The following RSRC2 variants were observed in gnomAD, a reference collection of about 807,000 sequenced individuals.
RSRC2 encodes arginine/serine-rich coiled-coil protein 2.
RSRC2 carries 5 observed loss-of-function variants against 61.3 expected under a neutral mutation model. That is an observed-to-expected ratio of 0.08 (90% CI 0.04 to 0.17). The LOEUF (loss-of-function observed/expected upper bound fraction) is 0.17. Ranked by LOEUF, RSRC2 falls within the 10% of genes least tolerant of loss-of-function variation. The pLI is 1.00. For missense variants in RSRC2, 381 were observed against 518.8 expected (o/e 0.73, Z 2.58); for synonymous variants, 202 against 166.5 (o/e 1.21, Z -1.64).
At chr12:122,525,810 T>TAACTGTAACGC in intron 1 of RSRC2, among the ~76,000 whole-genome samples, 1 of 16,482 alleles carries the variant, frequency 6.1e-5, no homozygotes, top group Admixed American at 4.1e-4. Context: ...AGTTTTTTTT[T>TAACTGTAACGC]TTTTTTTTTT....
chr12:122,522,128 T>G lies in RSRC2; in HGVS notation c.163+15A>C. ...ACAAATGCTGAGAGTTGTAACCACC[T>G]TTAAGAATTCATACCTGACTTTCGT... On this transcript the variant is annotated intron_variant, in intron 2 of 9. Coordinates refer to ENST00000331738, the MANE Select transcript of RSRC2 (RefSeq NM_023012.6). The G allele has an allele frequency of 6.2e-7, 1 of 1,605,978 alleles. No individual in the cohort carries two copies. Among genetic ancestry groups the G allele is most frequent in the Non-Finnish European group, 8.5e-7 (1 of 1,176,910 alleles).
At chr12:122,517,565 C>T (rs548173004) in intron 4 of RSRC2, 135 bp from the exon 5 acceptor site, 37 of 1,070,978 alleles carry the variant, frequency 3.5e-5, no homozygotes, top group Non-Finnish European at 4.0e-5. Flanking sequence ...CAGAAATAAG[C>T]GAGATTTTCA....
At chr12:122,520,334 C>T (rs1959179274) in intron 3 of RSRC2, 8 of 363,544 alleles carry the variant, frequency 2.2e-5, no homozygotes, top group Non-Finnish European at 3.1e-5. Context: ...TTTGCTATAA[C>T]GAGGCAGACT....
intron 4 of RSRC2, among the ~76,000 whole-genome samples, chr12:122,518,187 C>T (rs564151354): frequency 6.6e-6 from 1 of 152,192 alleles, no homozygotes; most frequent in South Asian, 2.1e-4. Flanking sequence ...GTGGTCTCAG[C>T]TGCTTGGGAG....
Position 122,504,452 on chromosome 12 carries a change from A to AC in RSRC2, c.*1074dup, listed in dbSNP as rs1217948127. ...GGACCAGCCTGGCCAACATGGTAAA[A>AC]CCCCACCTCTACTAAAAATACAAAA... On this transcript the variant is annotated 3_prime_UTR_variant, in exon 10 of 10. Transcript: ENST00000331738. 6.6e-6 allele frequency: 1 copy of AC among 152,084 alleles called. No homozygotes were observed. The highest frequency in any genetic ancestry group is 1.5e-5 in the Non-Finnish European group (1 of 68,054). 9.4% of individuals were successfully genotyped at this position (152,084 alleles called of 1,614,324 possible).
At chr12:122,518,160 T>C (rs1477250146) in intron 4 of RSRC2, among the ~76,000 whole-genome samples, 52 of 151,772 alleles carry the variant, frequency 3.4e-4, no homozygotes, top group Non-Finnish European at 8.8e-5. Context: ...ATTAGCTGGG[T>C]GTGGTGGCGC....
intron 8 of RSRC2, chr12:122,507,307 G>A: frequency 4.2e-6 from 1 of 240,078 alleles, no homozygotes; most frequent in South Asian, 4.6e-5. Context: ...GCTTGAACCT[G>A]GGAGGCAGAG....
At position 122,518,757 on chromosome 12, in the gene RSRC2, A is replaced by AT. The variant is rs1959107855; in HGVS notation, c.398+81dup. On this transcript the variant is annotated intron_variant, in intron 4 of 9. Transcript: ENST00000331738. Reference sequence around the variant, plus strand: ...GAACAAGAAAAACTCCCTAATTATGATTTTTTTGGGTGTTGCTGGGTCAAT... The same window carrying AT: ...GAACAAGAAAAACTCCCTAATTATGATTTTTTTTGGGTGTTGCTGGGTCAAT... The AT allele has an allele frequency of 1.1e-5, 12 of 1,103,424 alleles. No individual in the cohort carries two copies. The Admixed American group carries it at 1.2e-4, about 11-fold the overall frequency. 68.4% of individuals were successfully genotyped at this position (1,103,424 alleles called of 1,614,324 possible).
chr12:122,522,075 T>A, intron 2 of RSRC2, 68 bp downstream of exon 2: 1 of 1,456,576 alleles, frequency 6.9e-7, no homozygotes, highest in Non-Finnish European at 9.3e-7. Context: ...GTATGTGTCT[T>A]CTTATACAAC....
chr12:122,520,456 T>C (rs1205399663), intron 3 of RSRC2: 19 of 1,021,974 alleles, frequency 1.9e-5, no homozygotes, highest in Non-Finnish European at 2.7e-5. Flanking sequence ...CCTTAACTGA[T>C]TTAAGATATA....
At chr12:122,525,468 A>G (rs933433853) in intron 1 of RSRC2, among the ~76,000 whole-genome samples, 7 of 152,296 alleles carry the variant, frequency 4.6e-5, no homozygotes, top group East Asian at 3.9e-4. Flanking sequence ...GAAGACAGTA[A>G]AAGAAACGGG....
intron 6 of RSRC2, 118 bp downstream of exon 6, chr12:122,514,987 G>A (rs1958802175): frequency 9.0e-7 from 1 of 1,114,398 alleles, no homozygotes; most frequent in Non-Finnish European, 1.3e-6. Context: ...TCACAAATAT[G>A]CCACCATATT....
chr12:122,526,512 T>A (rs1960462806), intron 1 of RSRC2, among the ~76,000 whole-genome samples: 1 of 151,736 alleles, frequency 6.6e-6, no homozygotes, highest in African/African-American at 2.4e-5. Flanking sequence ...CCACCGCAAA[T>A]TCTCAGGCCC....
intron 5 of RSRC2, among the ~76,000 whole-genome samples, chr12:122,516,798 T>C (rs911315462): frequency 3.9e-5 from 6 of 152,168 alleles, no homozygotes; most frequent in South Asian, 2.1e-4. Context: ...GCTCAAGTGA[T>C]TATCCCACCT....
At chr12:122,506,613 C>T (rs752048683) in intron 9 of RSRC2, 5 of 449,368 alleles carry the variant, frequency 1.1e-5, no homozygotes, top group African/African-American at 2.0e-5. Flanking sequence ...AGCAAAACCC[C>T]GTCTCTCTCT....
rs1442727396 is a variant in RSRC2 at position 122,505,205 on chromosome 12, T to A, written c.*322A>T. The stretch of plus-strand genomic sequence containing the variant: ...AACTGTACAAGGTTAAGTACAAAAG[T>A]ACACAAGACAGCGGACACGAAAAAA... On this transcript the variant is annotated 3_prime_UTR_variant, in exon 10 of 10. Transcript: ENST00000331738. The A allele has an allele frequency of 9.1e-6, 2 of 219,028 alleles. No individual in the cohort carries two copies. Among genetic ancestry groups the A allele is most frequent in the African/African-American group, 4.6e-5 (2 of 43,702 alleles). The allele number at this position is 219,028 out of a possible 1,614,324, so 13.6% of individuals were successfully genotyped here. A position where few individuals can be genotyped will look rare whatever the true frequency, so the allele number is the denominator to read the frequency against.
At chr12:122,507,072 ACAAAG>A (rs780068449) in intron 8 of RSRC2, 149 bp from the exon 9 acceptor site, 1 of 667,910 alleles carries the variant, frequency 1.5e-6, no homozygotes, top group African/African-American at 1.8e-5. Flanking sequence ...TTAAGAAACC[ACAAAG>A]CAAAGAAATA....
chr12:122,514,897 A>T, intron 6 of RSRC2: 2 of 698,636 alleles, frequency 2.9e-6, no homozygotes, highest in Non-Finnish European at 4.3e-6. Context: ...ATGAAGGAAA[A>T]AACAGAAATT....
At position 122,522,190 on chromosome 12, in the gene RSRC2, T is replaced by A; in HGVS notation, c.116A>T (p.His39Leu). ...TGACCTTGATCGTGATCTTGAATAA[T>A]GATGTTTTGAAGCTCTAGGAGAAAC... ...VSVSPRASKH[H>L]YSRSRSRSRE... Residue 39 changes from histidine to leucine, a missense_variant, in exon 2 of 10, where the codon CAT (histidine) becomes CTT (leucine). By Grantham distance (99) the His-to-Leu change is moderately conservative. This residue lies in a region of RSRC2 where 266 missense variants were observed against 270.5 expected (regional missense o/e 0.98). Coordinates refer to ENST00000331738, the MANE Select transcript of RSRC2 (RefSeq NM_023012.6). 2 of 1,613,958 alleles carry A rather than the reference T, an allele frequency of 1.2e-6. No homozygotes were observed. The highest frequency in any genetic ancestry group is 2.2e-5 in the East Asian group (1 of 44,876).
Sources: gnomAD v4.1 joint callset for allele counts (sites outside exome capture counted in the v4.1 genomes callset) on GRCh38, gnomAD v4.1.1 for gene constraint, gnomAD v4.1.1 regional missense constraint, MANE v1.5 for transcripts, NCBI Gene and HGNC (gene_info 2026-07-23, HGNC 2026-07-21) for gene names.